Variants in HERC1 observed in about 807,000 individuals in gnomAD.
The protein encoded by HERC1 is HECT and RLD domain containing E3 ubiquitin protein ligase family member 1.
Under a neutral mutation model 554.3 loss-of-function variants are expected in HERC1, and 160 were observed. The observed-to-expected ratio is 0.29, with a 90% CI of 0.25 to 0.33. The LOEUF (loss-of-function observed/expected upper bound fraction) is 0.33. HERC1 is among the 10% of genes least tolerant of loss of function. HERC1 has a pLI of 1.00. For synonymous variants in HERC1, 2,175 were observed against 2,131.7 expected (o/e 1.02, Z -0.56); for missense variants, 4,919 against 5,918.5 (o/e 0.83, Z 5.54).
intron 31 of HERC1, 25 bp from the exon 32 acceptor site, chr15:63,690,672 A>C: frequency 2.2e-6 from 3 of 1,344,192 alleles, no homozygotes; most frequent in Non-Finnish European, 3.2e-6. Flanking sequence ...ACCTTTTCTT[A>C]TTATCAATGT....
At position 63,723,259 on chromosome 15, in the gene HERC1, A is replaced by C. The variant is rs754817441; in HGVS notation, c.3665T>G (p.Val1222Gly). ...YKLRPEIAVY[V>G]DLALGCSKEP... ...TTTAGAACAACCCAATGCCAAGTCTACATAGACAGCAATTTCAGGCCGCAA... is the reference window on the plus strand; with the variant it reads ...TTTAGAACAACCCAATGCCAAGTCTCCATAGACAGCAATTTCAGGCCGCAA... The change falls in exon 19 of 78, where the codon GTA (valine) becomes GGA (glycine). Residue 1222 changes from valine to glycine, a missense_variant. Coordinates refer to ENST00000443617, the MANE Select transcript of HERC1 (RefSeq NM_003922.4). 11 of 1,599,836 alleles carry C rather than the reference A, an allele frequency of 6.9e-6. No individual in the cohort carries two copies. The highest frequency in any genetic ancestry group is 1.1e-5 in the South Asian group (1 of 88,342).
rs375499946 is a variant in HERC1, at chr15:63,787,960, CAAAAAAAAAAA to C, written c.-26-12322_-26-12312del. On this transcript the variant is annotated intron_variant, in intron 1 of 77. Transcript: ENST00000443617. Reference sequence around the variant, plus strand: ...TTGGCGACAGGGTGAGACCCTGTCTCAAAAAAAAAAAAAAAAAAAAAAGACAAAACAAAACA... The same window carrying C: ...TTGGCGACAGGGTGAGACCCTGTCTCAAAAAAAAAAAGACAAAACAAAACA... Among the ~76,000 whole-genome samples, 85 of 45,662 alleles carry C rather than the reference CAAAAAAAAAAA, an allele frequency of 1.9e-3. 1 individual carries two copies. Among genetic ancestry groups the C allele is most frequent in the Non-Finnish European group, 3.1e-3 (68 of 22,258 alleles). The allele number at this position is 45,662 out of a possible 152,430, so 30.0% of individuals were successfully genotyped here. A position where few individuals can be genotyped will look rare whatever the true frequency, so the allele number is the denominator to read the frequency against.
In HERC1 at chr15:63,649,921, TC is replaced by T; in HGVS notation, c.10550del (p.Gly3517GlufsTer4). The T allele has an allele frequency of 6.3e-7, 1 of 1,598,134 alleles. No individual in the cohort carries two copies. The highest frequency in any genetic ancestry group is 1.1e-5 in the South Asian group (1 of 88,396). On this transcript the variant is annotated frameshift_variant, in exon 54 of 78. Transcript: ENST00000443617. LOFTEE classifies it high-confidence loss of function. ...GAGGCTGAATATCTACTAATCCTTT[TC>T]CTCCTAAAAGGGAAAAAATGTTAAC... is the stretch of plus-strand genomic sequence containing the variant. ...KMVNIWQVNG[G>X]KGLVDIQPHW...
At position 63,645,479 on chromosome 15, in the gene HERC1, A is replaced by G; in HGVS notation, c.11078+4T>C. ...AGACGTATAGATGCAAATTGACAACATACGTAGCCATCAGTAACTGCAACT... is the reference window on the plus strand; with the variant it reads ...AGACGTATAGATGCAAATTGACAACGTACGTAGCCATCAGTAACTGCAACT... On this transcript the variant is annotated splice_donor_region_variant and intron_variant, in intron 56 of 77. Coordinates refer to ENST00000443617, the MANE Select transcript of HERC1 (RefSeq NM_003922.4). The G allele has an allele frequency of 1.2e-6, 2 of 1,606,154 alleles. No homozygotes were observed. The highest frequency in any genetic ancestry group is 1.7e-6 in the Non-Finnish European group (2 of 1,175,710).
Position 63,643,563 on chromosome 15 carries a change from A to AT in HERC1, c.11185-14dup, listed in dbSNP as rs759427793. Reference sequence around the variant, plus strand: ...TCCTATATCCATCCTGAAATTCATTATTTTTAACATGCATTAAAATAAAGA... The same window carrying AT: ...TCCTATATCCATCCTGAAATTCATTATTTTTTAACATGCATTAAAATAAAGA... On this transcript the variant is annotated splice_polypyrimidine_tract_variant and intron_variant, in intron 57 of 77. Transcript: ENST00000443617. The AT allele has an allele frequency of 3.5e-5, 53 of 1,534,412 alleles. No individual in the cohort carries two copies. Among genetic ancestry groups the AT allele is most frequent in the Non-Finnish European group, 4.3e-5 (49 of 1,133,430 alleles).
rs2072412644 is a variant in HERC1 at position 63,696,358 on chromosome 15, T to C, written c.4906-19A>G. 6.4e-7 allele frequency: 1 copy of C among 1,560,500 alleles called. No individual in the cohort carries two copies. Among genetic ancestry groups the C allele is most frequent in the African/African-American group, 1.4e-5 (1 of 73,826 alleles). ...AACGAAGCTTGAGGAAAAAAACATA[T>C]TTTAGAGTTCTTCACTTAACTCAGA... On this transcript the variant is annotated intron_variant, in intron 26 of 77. Coordinates refer to ENST00000443617, the MANE Select transcript of HERC1 (RefSeq NM_003922.4).
At chr15:63,623,955 A>G in intron 72 of HERC1, 65 bp from the exon 73 acceptor site, 1 of 1,536,430 alleles carries the variant, frequency 6.5e-7, no homozygotes. Flanking sequence ...ATCACATGAT[A>G]TCTTCCCATC....
At position 63,666,146 on chromosome 15, in the gene HERC1, A is replaced by G. The variant is rs1179777901; in HGVS notation, c.8328T>C (p.Ala2776=). Residue 2776 remains alanine (A), a synonymous_variant, in exon 42 of 78, where the codon GCT becomes GCC. Transcript: ENST00000443617. ...QIAKAMEATG[A]RGEADAQNIT... ...TATTCTGGGCATCAGCCTCTCCCCT[A>G]GCACCTATACAGGGGAAAAACAGTC... The G allele has an allele frequency of 1.9e-6, 3 of 1,610,404 alleles. No individual in the cohort carries two copies. The Admixed American group carries it at 5.0e-5, about 27-fold the overall frequency.
At chr15:63,826,410 A>C (rs2077904498) in intron 1 of HERC1, among the ~76,000 whole-genome samples, 1 of 152,204 alleles carries the variant, frequency 6.6e-6, no homozygotes, top group Non-Finnish European at 1.5e-5. Context: ...ATGGGTATCA[A>C]TACGTACTGT....
intron 74 of HERC1, among the ~76,000 whole-genome samples, chr15:63,618,364 C>G (rs999883448): frequency 6.6e-6 from 1 of 152,014 alleles, no homozygotes; most frequent in African/African-American, 2.4e-5. Context: ...TGGTCTATAT[C>G]TCTGTTTTGG....
chr15:63,796,087 G>T (rs1038160692), intron 1 of HERC1, among the ~76,000 whole-genome samples: 19 of 152,196 alleles, frequency 1.2e-4, no homozygotes, highest in Non-Finnish European at 4.4e-5. Flanking sequence ...GTTAGCACAG[G>T]TCTTTAAATA....
In HERC1 at chr15:63,756,696, C is replaced by G. The variant is rs1267109844; in HGVS notation, c.1274G>C (p.Arg425Thr). ...CCCATAGCTGCCTTTCCCGCAAGCT[C>G]TAACAGAGCCATCCGTAGAAATGAC... The part of the protein sequence containing the change: ...TFVISTDGSV[R>T]ACGKGSYGRL... Residue 425 changes from arginine (R) to threonine (T), a missense_variant, in exon 5 of 78, where the codon AGA (arginine) becomes ACA (threonine). Coordinates refer to ENST00000443617, the MANE Select transcript of HERC1 (RefSeq NM_003922.4). This position sits in a 1 kb window ranked among gnomAD's most constrained non-coding sequence, Gnocchi z 5.0. 2 of 1,612,788 alleles carry G rather than the reference C, an allele frequency of 1.2e-6. No individual in the cohort carries two copies. The highest frequency in any genetic ancestry group is 3.3e-5 in the Admixed American group (2 of 59,930).
intron 77 of HERC1, among the ~76,000 whole-genome samples, chr15:63,611,027 T>C (rs1053322171): frequency 1.6e-4 from 24 of 152,284 alleles, no homozygotes; most frequent in African/African-American, 5.5e-4. Context: ...GGAGGGGTTC[T>C]TGGAGGAGAT....
chr15:63,736,573 G>C (rs1335652891), intron 12 of HERC1, among the ~76,000 whole-genome samples: 1 of 150,806 alleles, frequency 6.6e-6, no homozygotes, highest in Non-Finnish European at 1.5e-5. Context: ...TCTGTGTAGA[G>C]AACTTTTAGC....
intron 74 of HERC1, among the ~76,000 whole-genome samples, chr15:63,622,484 C>T (rs946265586): frequency 6.6e-6 from 1 of 152,110 alleles, no homozygotes; most frequent in African/African-American, 2.4e-5. Flanking sequence ...AGGCATGTGC[C>T]ACCATGACCG....
chr15:63,680,883 T>G lies in HERC1; in HGVS notation c.6226-107A>C. The G allele has an allele frequency of 7.5e-6, 5 of 669,984 alleles. No individual in the cohort carries two copies. The highest frequency in any genetic ancestry group is 1.8e-5 in the African/African-American group (1 of 54,920). 41.5% of individuals were successfully genotyped at this position (669,984 alleles called of 1,614,324 possible). On this transcript the variant is annotated intron_variant, in intron 34 of 77. Coordinates refer to ENST00000443617, the MANE Select transcript of HERC1 (RefSeq NM_003922.4). The surrounding 1 kb of genome is among the most constrained non-coding windows in gnomAD (Gnocchi z 5.8). ...TGTTTATAAATAATACTAATGCATT[T>G]ATGGAAACATGTTATTTTCAGCATA...
chr15:63,655,651 T>A, intron 50 of HERC1, 91 bp downstream of exon 50: 1 of 906,404 alleles, frequency 1.1e-6, no homozygotes. Context: ...ACTCACGTCA[T>A]ATAATTTATC....
intron 1 of HERC1, among the ~76,000 whole-genome samples, chr15:63,825,227 A>T (rs1424626348): frequency 6.6e-6 from 1 of 152,180 alleles, no homozygotes; most frequent in Non-Finnish European, 1.5e-5. Flanking sequence ...CCTGAACCCA[A>T]GGTGGAGGTT....
chr15:63,656,213 A>G lies in HERC1; in HGVS notation c.9745T>C (p.Ser3249Pro). Residue 3249 changes from serine (S) to proline (P), a missense_variant, in exon 49 of 78, where the codon TCA becomes CCA. Transcript: ENST00000443617. The part of the protein sequence containing the change: ...PSAMASTSER[S>P]RGGHSKANKP... ...TTAGCCTTGCTATGCCCACCTCGTG[A>G]TCGTTCTGAGGTGCTAGCCATGGCA... 6.2e-7 allele frequency: 1 copy of G among 1,613,358 alleles called. No individual in the cohort carries two copies. Among genetic ancestry groups the G allele is most frequent in the Non-Finnish European group, 8.5e-7 (1 of 1,179,626 alleles).
Sources: gnomAD v4.1 joint callset for allele counts (sites outside exome capture counted in the v4.1 genomes callset) on GRCh38, gnomAD v4.1.1 for gene constraint, Gnocchi (gnomAD v3.1) non-coding constraint, MANE v1.5 for transcripts, NCBI Gene and HGNC (gene_info 2026-07-23, HGNC 2026-07-21) for gene names.